Variants in MYBL2 observed in about 807,000 individuals in gnomAD.
The protein encoded by MYBL2 is MYB proto-oncogene like 2.
MYBL2 carries 28 observed loss-of-function variants against 79.9 expected under a neutral mutation model. The observed-to-expected ratio is 0.35, with a 90% CI of 0.26 to 0.48. MYBL2 has a LOEUF of 0.48. Among genes scored for constraint, MYBL2 ranks in the 20% least tolerant of loss-of-function variants. MYBL2 has a pLI of 0.99. For synonymous variants in MYBL2, 378 were observed against 361.2 expected (o/e 1.05, Z -0.53); for missense variants, 735 against 893.9 (o/e 0.82, Z 2.27).
Position 43,706,402 on chromosome 20 carries a change from G to A in MYBL2, c.1505+1044G>A, listed in dbSNP as rs6031048. 8.2e-3 allele frequency among the ~76,000 whole-genome samples: 1,249 copies of A among 152,160 alleles called. 16 individuals carry two copies. Among genetic ancestry groups the A allele is most frequent in the African/African-American group, 0.028 (1,166 of 41,492 alleles). On this transcript the variant is annotated intron_variant, in intron 9 of 13. Coordinates refer to ENST00000217026, the MANE Select transcript of MYBL2 (RefSeq NM_002466.4). The stretch of plus-strand genomic sequence containing the variant: ...TTTTACAATAAGTTTACTTCCTTGG[G>A]TCATCATGATTCTAAATTCCAGGTA...
At chr20:43,709,233 TACC>T (rs1987851992) in intron 9 of MYBL2, among the ~76,000 whole-genome samples, 1 of 152,100 alleles carries the variant, frequency 6.6e-6, no homozygotes, top group African/African-American at 2.4e-5. Context: ...TAAGGTCACA[TACC>T]AGCACACAAG....
intron 6 of MYBL2, among the ~76,000 whole-genome samples, chr20:43,699,237 G>A (rs1426877207): frequency 6.6e-6 from 1 of 151,950 alleles, no homozygotes; most frequent in African/African-American, 2.4e-5. Flanking sequence ...GTAGAGACAG[G>A]GTTTCACCAT....
At chr20:43,691,601 A>G (rs549166816) in intron 5 of MYBL2, among the ~76,000 whole-genome samples, 1 of 149,420 alleles carries the variant, frequency 6.7e-6, no homozygotes. Flanking sequence ...GTGCAATGGC[A>G]TCATCTTGGC....
chr20:43,684,383 C>T (rs1010749749), intron 4 of MYBL2, among the ~76,000 whole-genome samples: 3 of 151,850 alleles, frequency 2.0e-5, no homozygotes, highest in Non-Finnish European at 4.4e-5. Flanking sequence ...ATTACAGGCG[C>T]CTGCCACCAC....
intron 7 of MYBL2, among the ~76,000 whole-genome samples, chr20:43,701,216 T>C (rs1409130106): frequency 3.3e-5 from 5 of 152,210 alleles, no homozygotes; most frequent in African/African-American, 1.2e-4. Context: ...GGGGAGTTAC[T>C]GCGTGTGTGG....
intron 2 of MYBL2, among the ~76,000 whole-genome samples, chr20:43,679,918 A>C (rs1034656382): frequency 6.6e-6 from 1 of 152,122 alleles, no homozygotes; most frequent in Non-Finnish European, 1.5e-5. Flanking sequence ...ATCTCAAAAA[A>C]AAAAAAAGGA....
intron 1 of MYBL2, among the ~76,000 whole-genome samples, chr20:43,672,720 C>T (rs1986896049): frequency 6.6e-6 from 1 of 152,100 alleles, no homozygotes; most frequent in Non-Finnish European, 1.5e-5. Flanking sequence ...ACATTCCAGT[C>T]TGGGTAACAG....
intron 4 of MYBL2, among the ~76,000 whole-genome samples, chr20:43,684,417 A>ACCATTT (rs1199394563): frequency 5.3e-5 from 8 of 150,664 alleles, no homozygotes; most frequent in Non-Finnish European, 8.9e-5. Context: ...TTGTATTTTT[A>ACCATTT]GTAGAGACAG....
intron 6 of MYBL2, 138 bp from the exon 7 acceptor site, chr20:43,699,619 T>C: frequency 1.1e-6 from 1 of 926,832 alleles, no homozygotes; most frequent in Non-Finnish European, 1.6e-6. Context: ...ATGGTATGGC[T>C]AATTATTCTG....
chr20:43,683,335 G>T (rs1987186563), intron 4 of MYBL2, among the ~76,000 whole-genome samples: 1 of 152,156 alleles, frequency 6.6e-6, no homozygotes, highest in African/African-American at 2.4e-5. Flanking sequence ...GTCCTGTGAG[G>T]TGGGCAGAAG....
At chr20:43,670,989 G>A (rs1200175260) in intron 1 of MYBL2, among the ~76,000 whole-genome samples, 4 of 134,410 alleles carry the variant, frequency 3.0e-5, no homozygotes, top group African/African-American at 1.3e-4. Flanking sequence ...TTTTTTTTGA[G>A]ACGGAGTCTC....
chr20:43,681,706 G>C (rs1159487013), intron 2 of MYBL2, 78 bp from the exon 3 acceptor site: 1 of 1,434,766 alleles, frequency 7.0e-7, no homozygotes, highest in Non-Finnish European at 9.8e-7. Flanking sequence ...TGTTCTTTTA[G>C]ATTGGGCTCT....
chr20:43,673,882 A>T lies in MYBL2; in HGVS notation c.97A>T (p.Lys33Ter), dbSNP rs1436089742. The change falls in exon 2 of 14, where the codon AAA (lysine) becomes TAA (stop). Residue 33 changes from lysine to a stop codon, truncating the protein, a stop_gained. Coordinates refer to ENST00000217026, the MANE Select transcript of MYBL2 (RefSeq NM_002466.4). LOFTEE classifies it high-confidence loss of function. ...PEQRDSKCKVKWTHEEDEQLR... is the reference protein window; with the variant it reads ...PEQRDSKCKV ...GCAGAGGGATAGCAAGTGCAAGGTC[A>T]AATGGACCCATGAGGAGGTGAGTGC... 6.4e-7 allele frequency: 1 copy of T among 1,552,604 alleles called. No individual in the cohort carries two copies. Among genetic ancestry groups the T allele is most frequent in the Admixed American group, 2.0e-5 (1 of 51,086 alleles).
chr20:43,710,329 G>T (rs1019165789), intron 10 of MYBL2, among the ~76,000 whole-genome samples: 1 of 152,204 alleles, frequency 6.6e-6, no homozygotes, highest in Non-Finnish European at 1.5e-5. Flanking sequence ...GCCTCAGGAT[G>T]GGGGAGACTG....
At chr20:43,681,374 A>G (rs78141090) in intron 2 of MYBL2, among the ~76,000 whole-genome samples, 4,572 of 152,240 alleles carry the variant, frequency 0.03, 239 homozygotes, top group African/African-American at 0.095. Flanking sequence ...GTTTTGCATG[A>G]TAGATGGTTG....
intron 6 of MYBL2, among the ~76,000 whole-genome samples, chr20:43,695,169 G>A (rs1460905337): frequency 6.6e-6 from 1 of 152,032 alleles, no homozygotes; most frequent in Non-Finnish European, 1.5e-5. Context: ...GAGTAGCTGG[G>A]AAACTGGGAT....
At chr20:43,710,680 G>A (rs1419364852) in intron 10 of MYBL2, among the ~76,000 whole-genome samples, 1 of 152,212 alleles carries the variant, frequency 6.6e-6, no homozygotes, top group Admixed American at 6.5e-5. Flanking sequence ...GGGTCCCCCT[G>A]CTGTCTCTCT....
intron 5 of MYBL2, among the ~76,000 whole-genome samples, chr20:43,690,362 C>G (rs557535510): frequency 5.9e-5 from 9 of 152,110 alleles, no homozygotes; most frequent in African/African-American, 2.2e-4. Flanking sequence ...TGCACCACCA[C>G]GCCTGGCTAA....
chr20:43,699,906 G>A lies in MYBL2; in HGVS notation c.813G>A (p.Glu271=). 6.2e-7 allele frequency: 1 copy of A among 1,614,090 alleles called. No homozygotes were observed. Among genetic ancestry groups the A allele is most frequent in the East Asian group, 2.2e-5 (1 of 44,878 alleles). The part of the protein sequence containing the change: ...LDAVRTPEPL[E]EFPKREDQEG... ...CAGTGCGAACACCAGAGCCCTTGGAGGAATTCCCGAAGCGTGAGGACCAGG... is the reference window on the plus strand; with the variant it reads ...CAGTGCGAACACCAGAGCCCTTGGAAGAATTCCCGAAGCGTGAGGACCAGG... The change falls in exon 7 of 14, where the codon GAG becomes GAA. Residue 271 remains glutamate, a synonymous_variant. Transcript: ENST00000217026.
Sources: gnomAD v4.1 joint callset for allele counts (sites outside exome capture counted in the v4.1 genomes callset) on GRCh38, gnomAD v4.1.1 for gene constraint, MANE v1.5 for transcripts, NCBI Gene and HGNC (gene_info 2026-07-23, HGNC 2026-07-21) for gene names.